C1QTNF3: variants seen among roughly 807,000 people sequenced by gnomAD.
C1QTNF3 encodes C1q and TNF related 3, also known as complement C1q tumor necrosis factor-related protein 3.
C1QTNF3 carries 26 observed loss-of-function variants against 32.6 expected under a neutral mutation model. That is an observed-to-expected ratio of 0.80 (90% CI 0.58 to 1.11). The LOEUF is 1.11. Ranked by LOEUF, C1QTNF3 falls within the 50% of genes least tolerant of loss-of-function variation. C1QTNF3 has a pLI of 0.00. For synonymous variants in C1QTNF3, 155 were observed against 146.0 expected (o/e 1.06, Z -0.44); for missense variants, 362 against 398.2 (o/e 0.91, Z 0.77).
the C1QTNF3 span, among the ~76,000 whole-genome samples, chr5:34,079,291 C>T: frequency 6.6e-6 from 1 of 151,514 alleles, no homozygotes; most frequent in South Asian, 2.1e-4. Flanking sequence ...ACAGTCCTCA[C>T]CTACTATCTT....
At chr5:34,184,715 C>CAAAAAAAAAAAAA in the C1QTNF3 span, among the ~76,000 whole-genome samples, 1 of 129,550 alleles carries the variant, frequency 7.7e-6, no homozygotes, top group African/African-American at 2.8e-5. Flanking sequence ...GACTCTGTCT[C>CAAAAAAAAAAAAA]AAAAAAAAAA....
chr5:34,131,877 C>T, the C1QTNF3 span, among the ~76,000 whole-genome samples: 6 of 151,978 alleles, frequency 3.9e-5, no homozygotes, highest in African/African-American at 1.4e-4. Flanking sequence ...TCACTACATA[C>T]CCCATAAATA....
the C1QTNF3 span, among the ~76,000 whole-genome samples, chr5:34,100,803 C>A: frequency 6.7e-6 from 1 of 150,194 alleles, no homozygotes; most frequent in East Asian, 2.0e-4. Flanking sequence ...TACAAGCACA[C>A]TGAGTTACAA....
At chr5:34,082,649 T>G in the C1QTNF3 span, among the ~76,000 whole-genome samples, 1 of 151,674 alleles carries the variant, frequency 6.6e-6, no homozygotes, top group Non-Finnish European at 1.5e-5. Flanking sequence ...TACTGTAGAT[T>G]TCAGGATCAT....
At chr5:34,218,673 A>G in the C1QTNF3 span, among the ~76,000 whole-genome samples, 5 of 152,136 alleles carry the variant, frequency 3.3e-5, no homozygotes, top group Non-Finnish European at 7.4e-5. Context: ...AGTTTTGTAC[A>G]GTTTACTCTT....
the C1QTNF3 span, among the ~76,000 whole-genome samples, chr5:34,219,616 G>A: frequency 6.6e-6 from 1 of 150,866 alleles, no homozygotes; most frequent in Non-Finnish European, 1.5e-5. Context: ...ATAAAAGCCA[G>A]AACTACTACA....
the C1QTNF3 span, among the ~76,000 whole-genome samples, chr5:34,213,810 T>TATGTATATATATATATATATA: frequency 7.3e-5 from 1 of 13,658 alleles, no homozygotes; most frequent in Non-Finnish European, 1.4e-4. Context: ...TATATATATA[T>TATGTATATATATATATATATA]TTTTTTTTTT....
chr5:34,035,741 T>C lies in C1QTNF3; in HGVS notation c.321A>G (p.Gly107=). 3 of 1,612,912 alleles carry C rather than the reference T, an allele frequency of 1.9e-6. No individual in the cohort carries two copies. The highest frequency in any genetic ancestry group is 2.5e-6 in the Non-Finnish European group (3 of 1,179,610). ...AACACTTACTGCAGTCTGGGGGTAG[T>C]CCTCCGGTTTGTGGAGACTAAAAAG... The part of the protein sequence containing the change: ...TFWGQSPQTG[G]LPPDCSKCCH... Residue 107 remains glycine (G), a synonymous_variant, in exon 2 of 6, where the codon GGA becomes GGG. Transcript: ENST00000382065.
At chr5:34,222,048 C>A in the C1QTNF3 span, among the ~76,000 whole-genome samples, 1 of 151,926 alleles carries the variant, frequency 6.6e-6, no homozygotes, top group Non-Finnish European at 1.5e-5. Flanking sequence ...AAAGCATTTT[C>A]CTATCATTAT....
the C1QTNF3 span, among the ~76,000 whole-genome samples, chr5:34,203,523 T>C: frequency 6.6e-6 from 1 of 151,672 alleles, no homozygotes; most frequent in Admixed American, 6.6e-5. Context: ...CTATCTCCAT[T>C]AAAAATACAA....
At position 34,020,679 on chromosome 5, in the gene C1QTNF3, C is replaced by T; in HGVS notation, c.864G>A (p.Gly288=). The T allele has an allele frequency of 1.2e-6, 2 of 1,614,182 alleles. No homozygotes were observed. Among genetic ancestry groups the T allele is most frequent in the South Asian group, 2.2e-5 (2 of 91,088 alleles). ...TGCCCATTCGCAGCCAAACCTCATC[C>T]CCTTTGGCTAGCTTCAGCACAGCAT... is the stretch of plus-strand genomic sequence containing the variant. The part of the protein sequence containing the change: ...SNHAVLKLAK[G]DEVWLRMGNG... The change falls in exon 6 of 6, where the codon GGG becomes GGA. Residue 288 remains glycine (G), a synonymous_variant. Transcript: ENST00000382065.
At chr5:34,092,921 G>C in the C1QTNF3 span, among the ~76,000 whole-genome samples, 3 of 151,698 alleles carry the variant, frequency 2.0e-5, no homozygotes, top group South Asian at 4.1e-4. Flanking sequence ...TTTTATTTTA[G>C]AGAAAAACGA....
the C1QTNF3 span, among the ~76,000 whole-genome samples, chr5:34,077,725 G>C: frequency 4.0e-5 from 6 of 151,402 alleles, no homozygotes; most frequent in African/African-American, 1.5e-4. Context: ...GAGAAACTGG[G>C]AGAGGCTGAC....
At chr5:34,021,495 A>T (rs1287868926) in intron 5 of C1QTNF3, among the ~76,000 whole-genome samples, 1 of 152,240 alleles carries the variant, frequency 6.6e-6, no homozygotes, top group African/African-American at 2.4e-5. Context: ...GGGCCTAACA[A>T]GGTTAAAAAA....
the C1QTNF3 span, among the ~76,000 whole-genome samples, chr5:34,209,107 A>G: frequency 5.9e-5 from 9 of 152,216 alleles, no homozygotes; most frequent in Non-Finnish European, 1.3e-4. Context: ...TGTCAATAGT[A>G]TTGAAGGTGA....
At chr5:34,069,727 T>G in the C1QTNF3 span, among the ~76,000 whole-genome samples, 111 of 152,328 alleles carry the variant, frequency 7.3e-4, no homozygotes, top group African/African-American at 2.6e-3. Flanking sequence ...TGGTAGATAT[T>G]CATACAGACA....
the C1QTNF3 span, among the ~76,000 whole-genome samples, chr5:34,161,188 A>C: frequency 2.0e-5 from 3 of 152,188 alleles, no homozygotes; most frequent in African/African-American, 7.2e-5. Context: ...AGTTCACCAT[A>C]TCCATGGTTA....
chr5:34,235,078 G>A, the C1QTNF3 span, among the ~76,000 whole-genome samples: 46 of 151,996 alleles, frequency 3.0e-4, no homozygotes, highest in Admixed American at 2.1e-3. Context: ...TTCTCTGACT[G>A]TAAAGATGAC....
At chr5:34,025,183 T>C (rs1011487784) in intron 4 of C1QTNF3, among the ~76,000 whole-genome samples, 6 of 152,200 alleles carry the variant, frequency 3.9e-5, no homozygotes, top group East Asian at 1.9e-4. Flanking sequence ...AGAGGAAAAG[T>C]AAAGGCAGAT....
Sources: allele counts gnomAD v4.1 joint callset (sites outside exome capture counted in the v4.1 genomes callset), GRCh38; gene constraint gnomAD v4.1.1; transcripts MANE v1.5; gene names NCBI Gene and HGNC (gene_info 2026-07-23, HGNC 2026-07-21).